Variants in RBFOX1 observed in about 807,000 individuals in gnomAD.
The protein encoded by RBFOX1 is RNA binding protein fox-1 homolog 1.
Under a neutral mutation model 57.7 loss-of-function variants are expected in RBFOX1, and 8 were observed. The ratio of observed to expected loss-of-function variants is 0.14; its 90% CI spans 0.08 to 0.25. The LOEUF (loss-of-function observed/expected upper bound fraction) is 0.25, where lower values mean the gene tolerates loss of function less well. RBFOX1 is among the 10% of genes least tolerant of loss of function. The pLI is 1.00. For synonymous variants in RBFOX1, 326 were observed against 222.4 expected, an observed-to-expected ratio of 1.47 and a Z score of -4.15; for missense variants, 611 against 548.5, an observed-to-expected ratio of 1.11 and a Z score of -1.14.
intron 2 of RBFOX1, among the ~76,000 whole-genome samples, chr16:6,484,630 T>TC (rs2095435765): frequency 6.6e-6 from 1 of 152,166 alleles, no homozygotes; most frequent in African/African-American, 2.4e-5. Flanking sequence ...GCACAGCTCA[T>TC]CCCTCTAGCC....
chr16:6,943,707 T>C (rs891271400), intron 3 of RBFOX1, among the ~76,000 whole-genome samples: 1 of 139,530 alleles, frequency 7.2e-6, no homozygotes, highest in African/African-American at 2.9e-5. Context: ...GACTCTGTCT[T>C]TAAAAAAAAA....
intron 4 of RBFOX1, among the ~76,000 whole-genome samples, chr16:5,943,108 C>T (rs2059314376): frequency 6.6e-6 from 1 of 152,152 alleles, no homozygotes; most frequent in African/African-American, 2.4e-5. Flanking sequence ...GGGAGCTGTC[C>T]CTGGACCTCA....
rs35569658 is a variant in RBFOX1, at chr16:5,754,433, G to T, written c.319-112870G>T. 6.8e-4 allele frequency among the ~76,000 whole-genome samples: 103 copies of T among 151,400 alleles called. 1 individual carries two copies. The highest frequency in any genetic ancestry group is 2.0e-3 in the African/African-American group (83 of 41,226). ...ACACACCTGTGGGTGTTTCTCGTAA[G>T]GTGGGACGAGAGATTTGGAAAAGAA... On this transcript the variant is annotated intron_variant, in intron 3 of 19. Coordinates refer to the RBFOX1 transcript ENST00000641259.
At chr16:7,699,281 TCCTGGG>T (rs2079853602) in intron 14 of RBFOX1, among the ~76,000 whole-genome samples, 1 of 18,284 alleles carries the variant, frequency 5.5e-5, no homozygotes, top group Non-Finnish European at 1.8e-4. Context: ...ATCCTGGACC[TCCTGGG>T]ATCTAGCGAT....
intron 3 of RBFOX1, chr16:5,632,370 A>G (rs748048780): frequency 2.0e-5 from 3 of 152,192 alleles, no homozygotes; most frequent in Non-Finnish European, 4.4e-5. Context: ...GGTCAACGTT[A>G]TTTGACCCCC....
At chr16:5,492,429 G>A (rs1014929128) in intron 2 of RBFOX1, among the ~76,000 whole-genome samples, 1 of 152,186 alleles carries the variant, frequency 6.6e-6, no homozygotes. Flanking sequence ...GAGATACAAA[G>A]ACACAATCAC....
At chr16:6,445,302 A>G (rs1431823702) in intron 2 of RBFOX1, among the ~76,000 whole-genome samples, 3 of 152,088 alleles carry the variant, frequency 2.0e-5, no homozygotes, top group Non-Finnish European at 4.4e-5. Context: ...GGTTTGTTAC[A>G]TATGTATACA....
intron 1 of RBFOX1, among the ~76,000 whole-genome samples, chr16:5,447,170 C>T (rs186368669): frequency 3.3e-4 from 50 of 152,276 alleles, no homozygotes; most frequent in African/African-American, 1.2e-3. Context: ...CCCCTCCCCA[C>T]CTACAATAAC....
intron 3 of RBFOX1, among the ~76,000 whole-genome samples, chr16:5,821,945 A>C (rs989798838): frequency 6.6e-6 from 1 of 152,212 alleles, no homozygotes; most frequent in African/African-American, 2.4e-5. Flanking sequence ...ATAATGTTGC[A>C]TTGAGGATTA....
chr16:6,348,965 G>A (rs987296143), intron 2 of RBFOX1, among the ~76,000 whole-genome samples: 1 of 152,158 alleles, frequency 6.6e-6, no homozygotes, highest in African/African-American at 2.4e-5. Context: ...CTCATTTTTG[G>A]AAGTCAAGCG....
chr16:6,898,322 C>T (rs546344480), intron 3 of RBFOX1, among the ~76,000 whole-genome samples: 1 of 152,044 alleles, frequency 6.6e-6, no homozygotes, highest in Non-Finnish European at 1.5e-5. Flanking sequence ...GCATAGCTTC[C>T]CCTTGGATGG....
chr16:5,511,118 A>G (rs1400350445), intron 2 of RBFOX1, among the ~76,000 whole-genome samples: 1 of 152,156 alleles, frequency 6.6e-6, no homozygotes, highest in Non-Finnish European at 1.5e-5. Flanking sequence ...TCTTCAAAGG[A>G]ATTAGAAAGT....
intron 3 of RBFOX1, among the ~76,000 whole-genome samples, chr16:5,793,311 C>T (rs1419990759): frequency 6.6e-6 from 1 of 152,258 alleles, no homozygotes; most frequent in Non-Finnish European, 1.5e-5. Context: ...CTCAGCTTAA[C>T]CGTGTTTGTT....
chr16:7,175,637 A>G (rs1459313117), intron 4 of RBFOX1, among the ~76,000 whole-genome samples: 1 of 152,210 alleles, frequency 6.6e-6, no homozygotes, highest in Non-Finnish European at 1.5e-5. Flanking sequence ...TCTCACCCCA[A>G]CAGCTGTGTG....
chr16:5,678,615 G>C (rs554621682), intron 3 of RBFOX1, among the ~76,000 whole-genome samples: 7 of 152,118 alleles, frequency 4.6e-5, no homozygotes, highest in Non-Finnish European at 7.3e-5. Context: ...GCTTGAGCCC[G>C]TCCCACAGGA....
intron 1 of RBFOX1, among the ~76,000 whole-genome samples, chr16:6,114,151 G>A (rs188406503): frequency 1.8e-3 from 271 of 152,194 alleles, no homozygotes; most frequent in Middle Eastern, 3.4e-3. Context: ...TGTTATTACA[G>A]AATGATCTGA....
chr16:7,082,199 G>C (rs12709173), intron 4 of RBFOX1, among the ~76,000 whole-genome samples: 105,564 of 151,686 alleles, frequency 0.7, 37,589 homozygotes, highest in East Asian at 0.91. Context: ...CAACATTGAA[G>C]ACCTATGGTT....
At chr16:7,406,725 G>C (rs890072317) in intron 4 of RBFOX1, among the ~76,000 whole-genome samples, 2 of 152,178 alleles carry the variant, frequency 1.3e-5, no homozygotes, top group South Asian at 4.1e-4. Flanking sequence ...AAATTCCGTG[G>C]CTTACAACAT....
chr16:6,947,131 C>T (rs909441111), intron 3 of RBFOX1, among the ~76,000 whole-genome samples: 2 of 152,136 alleles, frequency 1.3e-5, no homozygotes, highest in East Asian at 1.9e-4. Context: ...ACTCTTAGCA[C>T]ATAACCTGGC....
Sources: gnomAD v4.1 joint callset for allele counts (sites outside exome capture counted in the v4.1 genomes callset) on GRCh38, gnomAD v4.1.1 for gene constraint, MANE v1.5 for transcripts, NCBI Gene and HGNC (gene_info 2026-07-23, HGNC 2026-07-21) for gene names.